WWOX: variants seen among roughly 807,000 people sequenced by gnomAD.
WWOX encodes the protein WW domain containing oxidoreductase, also known as WW domain-containing oxidoreductase.
WWOX carries 69 observed loss-of-function variants against 46.2 expected under a neutral mutation model. That is an observed-to-expected ratio of 1.49 (90% CI 1.23 to 1.82). WWOX has a LOEUF of 1.82. WWOX is among the 40% of genes most tolerant of loss of function. WWOX has a pLI of 0.00. For synonymous variants in WWOX, 359 were observed against 202.6 expected (o/e 1.77, Z -6.56); for missense variants, 919 against 542.6 (o/e 1.69, Z -6.89).
At chr16:79,057,999 A>G (rs75668424) in intron 8 of WWOX, among the ~76,000 whole-genome samples, 1 of 152,014 alleles carries the variant, frequency 6.6e-6, no homozygotes, top group Non-Finnish European at 1.5e-5. Context: ...TCACGATGCT[A>G]TTCTCATAGT....
intron 8 of WWOX, among the ~76,000 whole-genome samples, chr16:79,061,479 T>C (rs1054236027): frequency 6.6e-6 from 1 of 152,208 alleles, no homozygotes; most frequent in Admixed American, 6.5e-5. Flanking sequence ...TTCAGATCTC[T>C]TGCAAAATGC....
chr16:78,417,349 T>TC (rs1279016242), intron 6 of WWOX, among the ~76,000 whole-genome samples: 2 of 152,148 alleles, frequency 1.3e-5, no homozygotes, highest in African/African-American at 4.8e-5. Flanking sequence ...TGTCTTGGCC[T>TC]CCCACTGTGC....
chr16:78,185,103 T>C (rs544313442), intron 5 of WWOX, among the ~76,000 whole-genome samples: 12 of 152,238 alleles, frequency 7.9e-5, no homozygotes, highest in Non-Finnish European at 1.5e-5. Context: ...TCACATTCCA[T>C]TGGCCAAAGC....
chr16:78,397,284 AATG>A (rs1474720365), intron 6 of WWOX, among the ~76,000 whole-genome samples: 11 of 152,300 alleles, frequency 7.2e-5, no homozygotes, highest in Admixed American at 3.9e-4. Flanking sequence ...GGAACCATAT[AATG>A]ATGATAATAA....
At chr16:79,025,482 G>C (rs149326974) in intron 8 of WWOX, among the ~76,000 whole-genome samples, 365 of 152,206 alleles carry the variant, frequency 2.4e-3, no homozygotes, top group Non-Finnish European at 3.7e-3. Context: ...AAGAGAAGGC[G>C]GTGTGAAGGT....
chr16:78,523,471 C>G (rs566326204), intron 8 of WWOX, among the ~76,000 whole-genome samples: 1 of 152,152 alleles, frequency 6.6e-6, no homozygotes, highest in African/African-American at 2.4e-5. Context: ...CTGAAGGTCA[C>G]GGGCTTAGTA....
At chr16:78,175,494 C>T (rs952039399) in intron 5 of WWOX, among the ~76,000 whole-genome samples, 7 of 152,134 alleles carry the variant, frequency 4.6e-5, no homozygotes, top group African/African-American at 7.2e-5. Flanking sequence ...CTAAAGGCTT[C>T]GTGGCTTCTT....
At chr16:78,929,279 C>A (rs1309691262) in intron 8 of WWOX, among the ~76,000 whole-genome samples, 3 of 149,756 alleles carry the variant, frequency 2.0e-5, no homozygotes, top group Admixed American at 2.0e-4. Flanking sequence ...TTTAAGTTTC[C>A]TAGCAGTTCT....
At chr16:78,787,807 C>G (rs2050493977) in intron 8 of WWOX, among the ~76,000 whole-genome samples, 1 of 152,286 alleles carries the variant, frequency 6.6e-6, no homozygotes, top group Admixed American at 6.5e-5. Context: ...GTTCCAATTT[C>G]TCCACATCCT....
intron 8 of WWOX, among the ~76,000 whole-genome samples, chr16:78,532,731 C>G (rs1425514426): frequency 6.6e-6 from 1 of 151,554 alleles, no homozygotes; most frequent in Non-Finnish European, 1.5e-5. Context: ...TAGGGAAACT[C>G]TCCCTTATGA....
chr16:78,556,335 G>A (rs1230526824), intron 8 of WWOX, among the ~76,000 whole-genome samples: 1 of 152,012 alleles, frequency 6.6e-6, no homozygotes, highest in East Asian at 1.9e-4. Flanking sequence ...TTGGCTTGCT[G>A]GCTGTCAGGA....
intron 6 of WWOX, among the ~76,000 whole-genome samples, chr16:78,395,646 A>T (rs1486150051): frequency 6.6e-6 from 1 of 152,212 alleles, no homozygotes; most frequent in Non-Finnish European, 1.5e-5. Context: ...ATTGCCTGCA[A>T]GCTCTAGGGT....
chr16:78,996,380 C>T lies in WWOX; in HGVS notation c.1057-215228C>T, dbSNP rs750673446. Reference sequence around the variant, plus strand: ...GTGTGAGTGAATTCTGCACCCACCCCCGCCCCCCAGCTTCCCCACCTGTAA... The same window carrying T: ...GTGTGAGTGAATTCTGCACCCACCCTCGCCCCCCAGCTTCCCCACCTGTAA... On this transcript the variant is annotated intron_variant, in intron 8 of 8. Transcript: ENST00000566780. 5 of 576,574 alleles carry T rather than the reference C, an allele frequency of 8.7e-6. No individual in the cohort carries two copies. The African/African-American group carries it at 1.2e-4, about 14-fold the overall frequency. The allele number at this position is 576,574 out of a possible 1,614,324, so 35.7% of individuals were successfully genotyped here.
chr16:78,799,949 G>A (rs916030357), intron 8 of WWOX, among the ~76,000 whole-genome samples: 2 of 152,062 alleles, frequency 1.3e-5, no homozygotes, highest in South Asian at 4.1e-4. Flanking sequence ...CACTAGTTAG[G>A]AACTTCCCCC....
chr16:78,513,899 C>CG (rs1206022058), intron 8 of WWOX, among the ~76,000 whole-genome samples: 6 of 145,540 alleles, frequency 4.1e-5, no homozygotes, highest in African/African-American at 1.7e-4. Flanking sequence ...CCCACTCCCC[C>CG]CCCCCCCACT....
chr16:78,478,854 A>C (rs1163232112), intron 8 of WWOX, among the ~76,000 whole-genome samples: 1 of 152,276 alleles, frequency 6.6e-6, no homozygotes, highest in South Asian at 2.1e-4. Flanking sequence ...TTCCTTGGAC[A>C]AGCCCTTTCT....
chr16:78,598,046 A>G (rs1464540160), intron 8 of WWOX, among the ~76,000 whole-genome samples: 1 of 152,134 alleles, frequency 6.6e-6, no homozygotes. Flanking sequence ...CAGCTCCACT[A>G]ATCTCCAGAC....
At chr16:79,109,197 A>T (rs1240776603) in intron 8 of WWOX, among the ~76,000 whole-genome samples, 1 of 152,204 alleles carries the variant, frequency 6.6e-6, no homozygotes, top group Non-Finnish European at 1.5e-5. Context: ...AACTGTACTA[A>T]GCCGAAACGT....
chr16:79,032,454 C>G (rs2047782403), intron 8 of WWOX, among the ~76,000 whole-genome samples: 1 of 145,926 alleles, frequency 6.9e-6, no homozygotes, highest in Admixed American at 7.0e-5. Flanking sequence ...ATATGGGTTT[C>G]TATATATTAT....
Sources: allele counts gnomAD v4.1 joint callset (sites outside exome capture counted in the v4.1 genomes callset), GRCh38; gene constraint gnomAD v4.1.1; transcripts MANE v1.5; gene names NCBI Gene and HGNC (gene_info 2026-07-23, HGNC 2026-07-21).